Variants in CWF19L2 observed in about 807,000 individuals in gnomAD.
The protein encoded by CWF19L2 is CWF19-like protein 2.
A neutral mutation model predicts 111.7 loss-of-function variants in CWF19L2; 98 were observed. The ratio of observed to expected loss-of-function variants is 0.88; its 90% CI spans 0.75 to 1.04. CWF19L2 has a LOEUF of 1.04. Ranked by LOEUF, CWF19L2 falls within the 50% of genes least tolerant of loss-of-function variation. The probability of loss-of-function intolerance (pLI) is 0.00; values close to 1 mark genes in which losing one functional copy is unlikely to be tolerated. For missense variants in CWF19L2, 1,101 were observed against 1,051.4 expected, an observed-to-expected ratio of 1.05 and a Z score of -0.65; for synonymous variants, 351 against 342.9, an observed-to-expected ratio of 1.02 and a Z score of -0.26.
chr11:107,363,104 G>A (rs981051405), intron 12 of CWF19L2, among the ~76,000 whole-genome samples: 32 of 152,170 alleles, frequency 2.1e-4, no homozygotes, highest in African/African-American at 6.3e-4. Context: ...GAAATGAAGC[G>A]AGAAGGGAAG....
At chr11:107,387,434 G>A (rs1860783919) in intron 12 of CWF19L2, among the ~76,000 whole-genome samples, 1 of 144,824 alleles carries the variant, frequency 6.9e-6, no homozygotes, top group African/African-American at 2.6e-5. Context: ...TCATGACACA[G>A]CCTTGCTAAA....
Position 107,439,046 on chromosome 11 carries a change from A to AAC in CWF19L2, c.664+43_664+44insGT, listed in dbSNP as rs775836172. 1.1e-5 allele frequency: 10 copies of AAC among 919,754 alleles called. No individual in the cohort carries two copies. In the East Asian group the frequency reaches 1.8e-4, roughly 17 times the overall value. The allele number at this position is 919,754 out of a possible 1,614,324, so 57.0% of individuals were successfully genotyped here. ...CGAGACTCTGTCTCGAAAAAAAAAAAAAAAAAAAAACCCTGTGTGTCTATA... is the reference window on the plus strand; with the variant it reads ...CGAGACTCTGTCTCGAAAAAAAAAAAACAAAAAAAAAACCCTGTGTGTCTATA... On this transcript the variant is annotated intron_variant, in intron 6 of 17. Coordinates refer to ENST00000282251, the MANE Select transcript of CWF19L2 (RefSeq NM_152434.3).
intron 12 of CWF19L2, among the ~76,000 whole-genome samples, chr11:107,356,033 T>A (rs933628802): frequency 2.0e-5 from 3 of 152,218 alleles, no homozygotes; most frequent in Non-Finnish European, 4.4e-5. Context: ...TAAAGTATGT[T>A]CTCTGAACAC....
chr11:107,383,806 A>G (rs1860727340), intron 12 of CWF19L2, among the ~76,000 whole-genome samples: 1 of 152,232 alleles, frequency 6.6e-6, no homozygotes, highest in Non-Finnish European at 1.5e-5. Flanking sequence ...AAAAGGCAAT[A>G]GGGCAGATCT....
chr11:107,450,440 G>T (rs1591212636), intron 3 of CWF19L2, among the ~76,000 whole-genome samples: 1 of 152,038 alleles, frequency 6.6e-6, no homozygotes, highest in South Asian at 2.1e-4. Context: ...CGTAGTCCCA[G>T]CTTTCAAGAG....
intron 12 of CWF19L2, among the ~76,000 whole-genome samples, chr11:107,381,568 C>T (rs1391068643): frequency 3.3e-5 from 5 of 152,058 alleles, no homozygotes; most frequent in Admixed American, 2.0e-4. Flanking sequence ...TGGCCTCTTG[C>T]AAAGATAATT....
chr11:107,447,617 C>A (rs1429595052), intron 3 of CWF19L2, among the ~76,000 whole-genome samples: 2 of 152,104 alleles, frequency 1.3e-5, no homozygotes, highest in Non-Finnish European at 2.9e-5. Flanking sequence ...TGCATACGAA[C>A]AAAACTTAAA....
At chr11:107,442,793 AG>A (rs1414417872) in intron 4 of CWF19L2, 145 bp downstream of exon 4, 64,495 of 246,524 alleles carry the variant, frequency 0.26, 9,081 homozygotes, top group Middle Eastern at 0.34. Context: ...GAAGGAAGGA[AG>A]GGAGGGAGGG....
intron 12 of CWF19L2, among the ~76,000 whole-genome samples, chr11:107,389,816 A>C (rs1860821677): frequency 6.6e-6 from 1 of 152,360 alleles, no homozygotes; most frequent in African/African-American, 2.4e-5. Context: ...TGGTAGAGGA[A>C]ATGTATAATT....
At chr11:107,440,869 C>T (rs965825557) in intron 5 of CWF19L2, among the ~76,000 whole-genome samples, 1 of 152,132 alleles carries the variant, frequency 6.6e-6, no homozygotes, top group African/African-American at 2.4e-5. Context: ...TACCATTTCT[C>T]ACCCATTTAT....
intron 5 of CWF19L2, 32 bp from the exon 6 acceptor site, chr11:107,439,215 C>G: frequency 1.5e-6 from 2 of 1,316,954 alleles, no homozygotes; most frequent in Non-Finnish European, 2.1e-6. Flanking sequence ...GGTGAAATTT[C>G]AAAAAATTAA....
At chr11:107,420,797 T>A (rs12275816) in intron 8 of CWF19L2, among the ~76,000 whole-genome samples, 3,278 of 152,178 alleles carry the variant, frequency 0.022, 119 homozygotes, top group African/African-American at 0.074. Flanking sequence ...GACGGTGGTA[T>A]CTCTTGCAGA....
intron 3 of CWF19L2, 89 bp from the exon 4 acceptor site, chr11:107,443,138 T>C (rs1352483645): frequency 1.1e-6 from 1 of 884,778 alleles, no homozygotes; most frequent in African/African-American, 1.7e-5. Context: ...AAATTCAACA[T>C]CGTAGAAAAA....
rs1166365985 is a variant in CWF19L2 at position 107,373,711 on chromosome 11, G to A, written c.1872+16363C>T. Among the ~76,000 whole-genome samples the A allele has an allele frequency of 1.2e-4, 16 of 133,150 alleles. 1 individual carries two copies. The highest frequency in any genetic ancestry group is 3.7e-4 in the Admixed American group (5 of 13,670). The allele number at this position is 133,150 out of a possible 152,430, so 87.4% of individuals were successfully genotyped here. A position where few individuals can be genotyped will look rare whatever the true frequency, so the allele number is the denominator to read the frequency against. On this transcript the variant is annotated intron_variant, in intron 12 of 17. Transcript: ENST00000282251. ...AACTGGAAACTCTAAAAAGCAGAGC[G>A]CCTCTCCTCCTCCAAAGGAACGCAG...
intron 10 of CWF19L2, among the ~76,000 whole-genome samples, chr11:107,398,748 T>G (rs545296426): frequency 6.6e-6 from 1 of 152,300 alleles, no homozygotes; most frequent in East Asian, 1.9e-4. Context: ...TATCCCAAGT[T>G]AAGATGAAGG....
In CWF19L2 at chr11:107,373,118, C is replaced by A. The variant is rs1860539208; in HGVS notation, c.1872+16956G>T. Among the ~76,000 whole-genome samples the A allele has an allele frequency of 6.3e-5, 3 of 47,646 alleles. 1 individual carries two copies. Among genetic ancestry groups the A allele is most frequent in the Admixed American group, 4.4e-4 (3 of 6,844 alleles). The allele number at this position is 47,646 out of a possible 152,430, so 31.3% of individuals were successfully genotyped here. A position where few individuals can be genotyped will look rare whatever the true frequency, so the allele number is the denominator to read the frequency against. ...ATATCCCGCACCTGGCTCGGAGGGT[C>A]CTACGCCCACGGAGTCTCGCTGATT... On this transcript the variant is annotated intron_variant, in intron 12 of 17. Transcript: ENST00000282251.
chr11:107,378,216 T>G (rs1860624165), intron 12 of CWF19L2, among the ~76,000 whole-genome samples: 1 of 149,200 alleles, frequency 6.7e-6, no homozygotes, highest in African/African-American at 2.5e-5. Context: ...TGGCGATTCC[T>G]CGGGGATCTA....
chr11:107,331,370 C>G (rs923001320), intron 16 of CWF19L2, among the ~76,000 whole-genome samples: 4 of 152,136 alleles, frequency 2.6e-5, no homozygotes, highest in Non-Finnish European at 5.9e-5. Context: ...TATTAAGGAT[C>G]TTGAAATGAG....
At chr11:107,360,580 G>A (rs755188925) in intron 12 of CWF19L2, among the ~76,000 whole-genome samples, 12 of 152,074 alleles carry the variant, frequency 7.9e-5, no homozygotes, top group Non-Finnish European at 1.0e-4. Flanking sequence ...CATAGAGGCC[G>A]TACCAATTTA....
Sources: gnomAD v4.1 joint callset for allele counts (sites outside exome capture counted in the v4.1 genomes callset) on GRCh38, gnomAD v4.1.1 for gene constraint, MANE v1.5 for transcripts, NCBI Gene and HGNC (gene_info 2026-07-23, HGNC 2026-07-21) for gene names.